Variants in CDKAL1 observed in about 807,000 individuals in gnomAD.
CDKAL1 encodes CDKAL1 threonylcarbamoyladenosine tRNA methylthiotransferase.
A neutral mutation model predicts 68.2 loss-of-function variants in CDKAL1; 32 were observed. That is an observed-to-expected ratio of 0.47 (90% confidence interval 0.35 to 0.63). CDKAL1 has a LOEUF of 0.63. CDKAL1 is among the 30% of genes least tolerant of loss of function. The pLI is 0.00. For synonymous variants in CDKAL1, 234 were observed against 244.3 expected, an observed-to-expected ratio of 0.96 and a Z score of 0.39; for missense variants, 606 against 696.7, an observed-to-expected ratio of 0.87 and a Z score of 1.47.
rs1202130032 is a variant in CDKAL1, at chr6:20,906,348, G to A, written c.743-49071G>A. Among the ~76,000 whole-genome samples the A allele has an allele frequency of 2.0e-5, 3 of 151,936 alleles. No individual in the cohort carries two copies. The East Asian group carries it at 5.8e-4, about 29-fold the overall frequency. On this transcript the variant is annotated intron_variant, in intron 9 of 15. Transcript: ENST00000274695. ...ATTTAAAGGAGCAGAGTTTTTGTAT[G>A]TTATTAGAGTTAAGCTGATATAAAT... is the stretch of plus-strand genomic sequence containing the variant.
intron 9 of CDKAL1, among the ~76,000 whole-genome samples, chr6:20,939,995 T>C (rs1482178016): frequency 6.6e-6 from 1 of 152,180 alleles, no homozygotes; most frequent in Non-Finnish European, 1.5e-5. Flanking sequence ...TTTATTTTAA[T>C]AGTGAGAATT....
At chr6:20,609,382 TC>T (rs1766502119) in intron 4 of CDKAL1, among the ~76,000 whole-genome samples, 1 of 103,582 alleles carries the variant, frequency 9.7e-6, no homozygotes, top group African/African-American at 3.6e-5. Context: ...TCCTTCTTCT[TC>T]TTCTTCTTCT....
rs1182490717 is a variant in CDKAL1 at position 20,860,858 on chromosome 6, A to G, written c.742+14680A>G. ...AAATACTTGCTGAATGAATACATGAATAAAAATAATTTATAAACTAATAGA... is the reference window on the plus strand; with the variant it reads ...AAATACTTGCTGAATGAATACATGAGTAAAAATAATTTATAAACTAATAGA... On this transcript the variant is annotated intron_variant, in intron 9 of 15. Transcript: ENST00000274695. Among the ~76,000 whole-genome samples, 4 of 152,106 alleles carry G rather than the reference A, an allele frequency of 2.6e-5. No individual in the cohort carries two copies. In the East Asian group the frequency reaches 7.7e-4, roughly 29 times the overall value.
intron 9 of CDKAL1, among the ~76,000 whole-genome samples, chr6:20,864,866 C>T (rs537178268): frequency 3.3e-5 from 5 of 152,216 alleles, no homozygotes; most frequent in African/African-American, 1.2e-4. Context: ...TTATATCCTA[C>T]CATCGATAAA....
intron 10 of CDKAL1, among the ~76,000 whole-genome samples, chr6:20,957,736 C>T (rs776139671): frequency 1.9e-4 from 29 of 151,948 alleles, no homozygotes; most frequent in Non-Finnish European, 4.0e-4. Context: ...TTTGGGAGGC[C>T]GAGGCAGGTG....
At chr6:21,035,010 G>T (rs770694108) in intron 11 of CDKAL1, among the ~76,000 whole-genome samples, 15 of 152,106 alleles carry the variant, frequency 9.9e-5, no homozygotes, top group Non-Finnish European at 1.5e-4. Flanking sequence ...CATGTGAAGA[G>T]ATAATTTTTT....
chr6:20,619,516 A>G (rs1438967462), intron 4 of CDKAL1, among the ~76,000 whole-genome samples: 2 of 152,232 alleles, frequency 1.3e-5, no homozygotes, highest in African/African-American at 4.8e-5. Context: ...AAAAAAAATG[A>G]GAAATTATTT....
At chr6:21,014,385 C>A (rs1318994584) in intron 11 of CDKAL1, among the ~76,000 whole-genome samples, 1 of 152,104 alleles carries the variant, frequency 6.6e-6, no homozygotes, top group Admixed American at 6.5e-5. Flanking sequence ...AGGTGGATCA[C>A]AAGGTCAGGA....
At chr6:20,943,947 C>A (rs1764112475) in intron 9 of CDKAL1, among the ~76,000 whole-genome samples, 2 of 152,170 alleles carry the variant, frequency 1.3e-5, no homozygotes, top group South Asian at 4.1e-4. Context: ...TAACCATAGT[C>A]AATAGTTTAG....
chr6:20,588,621 T>A (rs1034402695), intron 4 of CDKAL1, among the ~76,000 whole-genome samples: 15 of 152,350 alleles, frequency 9.8e-5, no homozygotes, highest in South Asian at 2.1e-4. Flanking sequence ...TGGATTTTTT[T>A]AATTAATCTT....
intron 9 of CDKAL1, among the ~76,000 whole-genome samples, chr6:20,881,260 G>A (rs947531680): frequency 2.0e-5 from 3 of 152,148 alleles, no homozygotes; most frequent in African/African-American, 7.2e-5. Context: ...ATTTCTGTCA[G>A]GTTCCAAGAT....
intron 5 of CDKAL1, among the ~76,000 whole-genome samples, chr6:20,667,652 G>C (rs900279960): frequency 2.6e-5 from 4 of 152,052 alleles, no homozygotes; most frequent in Non-Finnish European, 5.9e-5. Flanking sequence ...CACGTTCAAT[G>C]TGATGGCTTG....
At chr6:20,552,720 T>C (rs185482065) in intron 4 of CDKAL1, among the ~76,000 whole-genome samples, 1 of 152,196 alleles carries the variant, frequency 6.6e-6, no homozygotes, top group Non-Finnish European at 1.5e-5. Context: ...ACTTTAGAAA[T>C]TCATAGTTGT....
In CDKAL1 at chr6:20,889,837, A is replaced by G. The variant is rs1294895159; in HGVS notation, c.742+43659A>G. On this transcript the variant is annotated intron_variant, in intron 9 of 15. Coordinates refer to ENST00000274695, the MANE Select transcript of CDKAL1 (RefSeq NM_017774.3). ...TTTTTTGCTTAGGATTGTCTTGGCA[A>G]TGCGGGCTCTTTTTCAGTTCCATAT... Among the ~76,000 whole-genome samples the G allele has an allele frequency of 5.3e-5, 8 of 152,194 alleles. 1 individual carries two copies. Among genetic ancestry groups the G allele is most frequent in the Non-Finnish European group, 1.2e-4 (8 of 68,036 alleles).
intron 4 of CDKAL1, among the ~76,000 whole-genome samples, chr6:20,620,772 C>T (rs1214537176): frequency 2.6e-5 from 4 of 151,600 alleles, no homozygotes; most frequent in Non-Finnish European, 4.4e-5. Flanking sequence ...TTTTTCAACA[C>T]TTTTAAAGAA....
chr6:20,811,263 C>G (rs1185767640), intron 8 of CDKAL1, among the ~76,000 whole-genome samples: 2 of 152,168 alleles, frequency 1.3e-5, no homozygotes, highest in Non-Finnish European at 2.9e-5. Flanking sequence ...CTAGCTTTCT[C>G]CATCCGGGGC....
At chr6:20,540,121 T>C (rs1763332550) in intron 2 of CDKAL1, among the ~76,000 whole-genome samples, 2 of 150,596 alleles carry the variant, frequency 1.3e-5, no homozygotes, top group Non-Finnish European at 3.0e-5. Context: ...TTGGCCGGGC[T>C]GGAGTGCAGT....
chr6:20,729,725 A>C (rs1185228900), intron 5 of CDKAL1, among the ~76,000 whole-genome samples: 1 of 152,234 alleles, frequency 6.6e-6, no homozygotes. Flanking sequence ...AGTAAATAGC[A>C]GAGCCAGTGT....
intron 4 of CDKAL1, among the ~76,000 whole-genome samples, chr6:20,606,046 C>T (rs138967053): frequency 6.6e-6 from 1 of 152,168 alleles, no homozygotes; most frequent in African/African-American, 2.4e-5. Context: ...AAGCAGTAAG[C>T]TGGGGCAATT....
Sources: allele counts gnomAD v4.1 joint callset (sites outside exome capture counted in the v4.1 genomes callset), GRCh38; gene constraint gnomAD v4.1.1; transcripts MANE v1.5; gene names NCBI Gene and HGNC (gene_info 2026-07-23, HGNC 2026-07-21).